Variants in TMEM170B observed in about 807,000 individuals in gnomAD.
TMEM170B encodes transmembrane protein 170B.
A neutral mutation model predicts 13.0 loss-of-function variants in TMEM170B; 6 were observed. The observed-to-expected ratio is 0.46, with a 90% CI of 0.25 to 0.91. TMEM170B has a LOEUF of 0.91. Among genes scored for constraint, TMEM170B ranks in the 40% least tolerant of loss-of-function variants. The pLI is 0.17. For missense variants in TMEM170B, 138 were observed against 165.2 expected (o/e 0.84, Z 0.90); for synonymous variants, 61 against 64.9 (o/e 0.94, Z 0.29).
intron 1 of TMEM170B, among the ~76,000 whole-genome samples, chr6:11,540,744 A>T (rs116514543): frequency 1.0e-3 from 155 of 152,348 alleles, no homozygotes; most frequent in Non-Finnish European, 1.9e-3. Context: ...TCCTTTGCCC[A>T]GGTCCATCAG....
rs1356868192 is a variant in TMEM170B, at chr6:11,582,957, G to A, written c.*7396G>A. On this transcript the variant is annotated 3_prime_UTR_variant, in exon 3 of 3. Coordinates refer to ENST00000379426, the MANE Select transcript of TMEM170B (RefSeq NM_001100829.3). Reference sequence around the variant, plus strand: ...TATGTTTATATATAATACCTAACAAGCTGTAAATATTGTATATTATTGATT... The same window carrying A: ...TATGTTTATATATAATACCTAACAAACTGTAAATATTGTATATTATTGATT... 1 of 152,052 alleles carries A rather than the reference G, an allele frequency of 6.6e-6. No individual in the cohort carries two copies. The highest frequency in any genetic ancestry group is 1.5e-5 in the Non-Finnish European group (1 of 67,994). 9.4% of individuals were successfully genotyped at this position (152,052 alleles called of 1,614,324 possible). A position where few individuals can be genotyped will look rare whatever the true frequency, so the allele number is the denominator to read the frequency against.
chr6:11,542,349 T>C (rs609389), intron 1 of TMEM170B, among the ~76,000 whole-genome samples: 144,409 of 152,248 alleles, frequency 0.95, 68,972 homozygotes, highest in East Asian at 1. Flanking sequence ...CCTCCAGTTC[T>C]GCAAGTCAAC....
chr6:11,544,556 G>C (rs1266336255), intron 1 of TMEM170B, among the ~76,000 whole-genome samples: 1 of 152,204 alleles, frequency 6.6e-6, no homozygotes, highest in Non-Finnish European at 1.5e-5. Context: ...GTAAAAGCTA[G>C]TGATCCATAT....
rs1221960490 is a variant in TMEM170B at position 11,538,104 on chromosome 6, C to A, written c.-174C>A. Among the ~76,000 whole-genome samples, 3 of 151,258 alleles carry A rather than the reference C, an allele frequency of 2.0e-5. No individual in the cohort carries two copies. The highest frequency in any genetic ancestry group is 7.2e-5 in the African/African-American group (3 of 41,402). On this transcript the variant is annotated 5_prime_UTR_variant, in exon 1 of 3. Transcript: ENST00000379426. ...TGCCTGGGAGACACGCTGAGCGGCC[C>A]CCCCACGGAGGCCCTCCGGCTGCAG...
intron 1 of TMEM170B, among the ~76,000 whole-genome samples, chr6:11,551,208 TGA>T (rs1225362379): frequency 4.6e-5 from 7 of 152,076 alleles, no homozygotes; most frequent in Non-Finnish European, 5.9e-5. Context: ...TTTTTCAGAA[TGA>T]GAGATCACAC....
At chr6:11,546,903 A>G (rs1759448460) in intron 1 of TMEM170B, among the ~76,000 whole-genome samples, 1 of 152,226 alleles carries the variant, frequency 6.6e-6, no homozygotes, top group Non-Finnish European at 1.5e-5. Flanking sequence ...CTACACATGC[A>G]TACCTGTGAT....
intron 1 of TMEM170B, among the ~76,000 whole-genome samples, chr6:11,565,458 C>T (rs1759720887): frequency 6.6e-6 from 1 of 152,056 alleles, no homozygotes; most frequent in Non-Finnish European, 1.5e-5. Flanking sequence ...CTTTTGAAGC[C>T]ATGGAAGGAA....
At chr6:11,553,647 C>A (rs1759552072) in intron 1 of TMEM170B, among the ~76,000 whole-genome samples, 1 of 152,034 alleles carries the variant, frequency 6.6e-6, no homozygotes, top group Non-Finnish European at 1.5e-5. Flanking sequence ...GAGAGCTGAT[C>A]TAGAAATTTT....
chr6:11,550,809 T>G (rs929577216), intron 1 of TMEM170B, among the ~76,000 whole-genome samples: 1 of 152,164 alleles, frequency 6.6e-6, no homozygotes, highest in Non-Finnish European at 1.5e-5. Context: ...ACCACTCAAC[T>G]GCAGTTCAGT....
chr6:11,569,188 A>G (rs1396917901), intron 2 of TMEM170B, among the ~76,000 whole-genome samples: 1 of 152,018 alleles, frequency 6.6e-6, no homozygotes, highest in Non-Finnish European at 1.5e-5. Context: ...ATTTTTATAT[A>G]TTAGAGATAT....
chr6:11,554,855 A>G (rs1001256482), intron 1 of TMEM170B, among the ~76,000 whole-genome samples: 4 of 152,186 alleles, frequency 2.6e-5, no homozygotes, highest in Non-Finnish European at 5.9e-5. Flanking sequence ...AGTAGCTTTA[A>G]CTTATGTATT....
intron 2 of TMEM170B, among the ~76,000 whole-genome samples, chr6:11,574,113 G>GT (rs1446195145): frequency 6.6e-6 from 1 of 152,028 alleles, no homozygotes; most frequent in Non-Finnish European, 1.5e-5. Flanking sequence ...TGTACTTGCT[G>GT]TATTTCCTGG....
intron 2 of TMEM170B, among the ~76,000 whole-genome samples, chr6:11,572,176 G>A (rs1303805486): frequency 6.6e-6 from 1 of 152,162 alleles, no homozygotes; most frequent in Non-Finnish European, 1.5e-5. Context: ...GGGTCATGGA[G>A]AAACTCTTGA....
chr6:11,541,389 TA>T (rs1759359098), intron 1 of TMEM170B, among the ~76,000 whole-genome samples: 1 of 152,248 alleles, frequency 6.6e-6, no homozygotes. Flanking sequence ...ACTTTTATGT[TA>T]TAGAGGTGTC....
intron 1 of TMEM170B, among the ~76,000 whole-genome samples, chr6:11,557,225 C>G (rs778908825): frequency 3.3e-5 from 5 of 152,134 alleles, no homozygotes; most frequent in Non-Finnish European, 7.3e-5. Flanking sequence ...GGAAAAGTTA[C>G]GATTGTATAA....
At position 11,537,881 on chromosome 6, in the gene TMEM170B, A is replaced by G. The variant is rs936502170; in HGVS notation, c.-397A>G. ...CGGGGGCTGCACCTGCCGGCTGCCC[A>G]TCAGCACCGGCCTCCTGGCGTGACC... is the stretch of plus-strand genomic sequence containing the variant. On this transcript the variant is annotated 5_prime_UTR_variant, in exon 1 of 3. Transcript: ENST00000379426. 6.6e-6 allele frequency among the ~76,000 whole-genome samples: 1 copy of G among 151,506 alleles called. No individual in the cohort carries two copies. The highest frequency in any genetic ancestry group is 1.5e-5 in the Non-Finnish European group (1 of 67,786).
chr6:11,567,858 T>C (rs1178909958), intron 2 of TMEM170B, among the ~76,000 whole-genome samples: 1 of 152,212 alleles, frequency 6.6e-6, no homozygotes, highest in Non-Finnish European at 1.5e-5. Flanking sequence ...AAGTTTGGGC[T>C]TTATTCTGCC....
At chr6:11,544,496 G>A (rs147465865) in intron 1 of TMEM170B, among the ~76,000 whole-genome samples, 1 of 152,126 alleles carries the variant, frequency 6.6e-6, no homozygotes, top group East Asian at 1.9e-4. Flanking sequence ...AAATATACTG[G>A]AAAATGTAAT....
chr6:11,562,069 G>A (rs543640600), intron 1 of TMEM170B, among the ~76,000 whole-genome samples: 1 of 152,160 alleles, frequency 6.6e-6, no homozygotes, highest in South Asian at 2.1e-4. Context: ...GGTACAAGGC[G>A]GATTGTTGAC....
Sources: allele counts gnomAD v4.1 joint callset (sites outside exome capture counted in the v4.1 genomes callset), GRCh38; gene constraint gnomAD v4.1.1; transcripts MANE v1.5; gene names NCBI Gene and HGNC (gene_info 2026-07-23, HGNC 2026-07-21).